OSBPL9: variants seen among roughly 807,000 people sequenced by gnomAD.
OSBPL9 encodes the protein oxysterol-binding protein-related protein 9.
In OSBPL9, 40 loss-of-function variants were observed where a neutral mutation model predicts 106.6. That is an observed-to-expected ratio of 0.38 (90% CI 0.29 to 0.49). OSBPL9 has a LOEUF of 0.49. Among genes scored for constraint, OSBPL9 ranks in the 20% least tolerant of loss-of-function variants. The probability of loss-of-function intolerance (pLI) is 0.97; values close to 1 mark genes in which losing one functional copy is unlikely to be tolerated. For synonymous variants in OSBPL9, 269 were observed against 295.4 expected, an observed-to-expected ratio of 0.91 and a Z score of 0.92; for missense variants, 609 against 887.2, an observed-to-expected ratio of 0.69 and a Z score of 3.98.
the OSBPL9 span, among the ~76,000 whole-genome samples, chr1:51,525,273 C>T: frequency 6.6e-6 from 1 of 152,170 alleles, no homozygotes; most frequent in African/African-American, 2.4e-5. Context: ...GATATTCTTA[C>T]TTCTAAGGGT....
the OSBPL9 span, among the ~76,000 whole-genome samples, chr1:51,545,007 C>A: frequency 1.3e-5 from 2 of 152,062 alleles, no homozygotes; most frequent in East Asian, 3.9e-4. Context: ...CCACTCCTGG[C>A]TAATTTTTGT....
upstream of OSBPL9, among the ~76,000 whole-genome samples, chr1:51,576,474 G>A (rs1645184538): frequency 6.6e-6 from 1 of 152,194 alleles, no homozygotes; most frequent in Admixed American, 6.5e-5. Context: ...AATGCTGTGA[G>A]ATAGGTTTTT....
rs149776279 is a variant in OSBPL9 at position 51,604,885 on chromosome 1, C to T, written c.-353+6692C>T. On this transcript the variant is annotated intron_variant, in intron 2 of 25. Transcript: ENST00000371714. ...CAGGCTAATCTTGAACTCCTGACCT[C>T]AGGTGATCCACCCGCCTCAGCCTCC... Among the ~76,000 whole-genome samples, 819 of 152,220 alleles carry T rather than the reference C, an allele frequency of 5.4e-3. 11 individuals are homozygous for T. Among genetic ancestry groups the T allele is most frequent in the African/African-American group, 0.019 (789 of 41,546 alleles).
intron 1 of OSBPL9, among the ~76,000 whole-genome samples, chr1:51,634,604 C>A (rs1645307346): frequency 6.6e-6 from 1 of 152,080 alleles, no homozygotes; most frequent in African/African-American, 2.4e-5. Context: ...GAAAGGCCAA[C>A]TGAAGTTTTA....
At chr1:51,530,193 CA>C in the OSBPL9 span, among the ~76,000 whole-genome samples, 1,283 of 55,558 alleles carry the variant, frequency 0.023, 66 homozygotes, top group Non-Finnish European at 0.031. Context: ...AAAAAAAAAA[CA>C]AAAAAAAAAA....
Position 51,738,005 on chromosome 1 carries a change from A to G in OSBPL9, c.319-7531A>G, listed in dbSNP as rs561734531. Among the ~76,000 whole-genome samples the G allele has an allele frequency of 4.6e-5, 7 of 152,198 alleles. 1 individual carries two copies. In the East Asian group the frequency reaches 7.7e-4, roughly 17 times the overall value. On this transcript the variant is annotated intron_variant, in intron 4 of 23. Transcript: ENST00000428468. ...TGACCATCCAGGCAAACTAAAATAT[A>G]CAGTCATCCTATTTACAGACTTAAG... is the stretch of plus-strand genomic sequence containing the variant.
intron 3 of OSBPL9, among the ~76,000 whole-genome samples, chr1:51,711,200 C>T (rs1236415755): frequency 6.6e-6 from 1 of 151,446 alleles, no homozygotes; most frequent in African/African-American, 2.4e-5. Context: ...TCATCCTGGC[C>T]CGTTCTCAAT....
intron 3 of OSBPL9, among the ~76,000 whole-genome samples, chr1:51,673,069 A>C: frequency 6.6e-6 from 1 of 152,204 alleles, no homozygotes; most frequent in Middle Eastern, 3.2e-3. Flanking sequence ...GGGGCACTCA[A>C]ACATTTATTG....
intron 3 of OSBPL9, among the ~76,000 whole-genome samples, chr1:51,674,779 C>T (rs1245240815): frequency 1.3e-5 from 2 of 152,094 alleles, no homozygotes; most frequent in African/African-American, 4.8e-5. Flanking sequence ...TGTAGTTGCC[C>T]TCAGTATTGA....
chr1:51,583,520 T>C (rs1459997623), intron 1 of OSBPL9: 1 of 152,228 alleles, frequency 6.6e-6, no homozygotes, highest in African/African-American at 2.4e-5. Flanking sequence ...AAGACTTCAC[T>C]CTCGCCTCCA....
At chr1:51,536,558 A>T in the OSBPL9 span, among the ~76,000 whole-genome samples, 3 of 152,076 alleles carry the variant, frequency 2.0e-5, no homozygotes, top group Non-Finnish European at 4.4e-5. Context: ...CCTCAAAGTG[A>T]TCTTCCTGTC....
rs567364937 is a variant in OSBPL9, at chr1:51,660,883, A to G, written c.163-8551A>G. On this transcript the variant is annotated intron_variant, in intron 2 of 23. Transcript: ENST00000428468. The stretch of plus-strand genomic sequence containing the variant: ...ATAAGTTTGTTGAAGTAATTAGTGA[A>G]TATTGTTTACTGTCACCATGTCCTG... Among the ~76,000 whole-genome samples the G allele has an allele frequency of 4.6e-5, 7 of 152,284 alleles. No homozygotes were observed. The South Asian group carries it at 1.5e-3, about 32-fold the overall frequency.
chr1:51,563,158 C>T, the OSBPL9 span, among the ~76,000 whole-genome samples: 1 of 152,062 alleles, frequency 6.6e-6, no homozygotes, highest in Non-Finnish European at 1.5e-5. Flanking sequence ...TGCAGTAAGC[C>T]GAGATCACGT....
At chr1:51,637,150 G>A (rs1021488414) in intron 1 of OSBPL9, among the ~76,000 whole-genome samples, 4 of 152,188 alleles carry the variant, frequency 2.6e-5, no homozygotes, top group African/African-American at 9.7e-5. Flanking sequence ...CTGTGAGTCT[G>A]TGGACAAGTT....
rs869092922 is a variant in OSBPL9, at chr1:51,767,936, C to CTTTTTTTT, written c.938+1975_938+1982dup. Among the ~76,000 whole-genome samples, 11 of 65,052 alleles carry CTTTTTTTT rather than the reference C, an allele frequency of 1.7e-4. 3 individuals are homozygous for CTTTTTTTT. The highest frequency in any genetic ancestry group is 4.8e-4 in the African/African-American group (8 of 16,730). 42.7% of individuals were successfully genotyped at this position (65,052 alleles called of 152,430 possible). A position where few individuals can be genotyped will look rare whatever the true frequency, so the allele number is the denominator to read the frequency against. On this transcript the variant is annotated intron_variant, in intron 12 of 23. Transcript: ENST00000428468. ...TATTTAAAAGAGAATTAAAGACCGTCTTTTTTTTTTTTTTTTTTTTTTTTT... is the reference window on the plus strand; with the variant it reads ...TATTTAAAAGAGAATTAAAGACCGTCTTTTTTTTTTTTTTTTTTTTTTTTTTTTTTTTT...
chr1:51,646,232 A>G (rs773305620), intron 1 of OSBPL9, among the ~76,000 whole-genome samples: 4 of 152,204 alleles, frequency 2.6e-5, no homozygotes, highest in Non-Finnish European at 5.9e-5. Context: ...AACAACATTA[A>G]GTCTTTCAAT....
At chr1:51,611,544 C>T (rs1001576271) in intron 2 of OSBPL9, among the ~76,000 whole-genome samples, 5 of 152,206 alleles carry the variant, frequency 3.3e-5, no homozygotes, top group African/African-American at 9.7e-5. Flanking sequence ...TAATTTGTAC[C>T]TACACTCTTG....
At chr1:51,622,661 C>A (rs779163895) in intron 1 of OSBPL9, among the ~76,000 whole-genome samples, 3 of 152,206 alleles carry the variant, frequency 2.0e-5, no homozygotes, top group Non-Finnish European at 2.9e-5. Flanking sequence ...AAGGTGGCCT[C>A]ATTCCTCACC....
the OSBPL9 span, among the ~76,000 whole-genome samples, chr1:51,531,781 G>A: frequency 6.6e-6 from 1 of 152,192 alleles, no homozygotes; most frequent in African/African-American, 2.4e-5. Flanking sequence ...TTAAAGCCAT[G>A]AGGTTGGGTG....
Sources: gnomAD v4.1 joint callset for allele counts (sites outside exome capture counted in the v4.1 genomes callset) on GRCh38, gnomAD v4.1.1 for gene constraint, MANE v1.5 for transcripts, NCBI Gene and HGNC (gene_info 2026-07-23, HGNC 2026-07-21) for gene names.